Variants in NUP98 observed in about 807,000 individuals in gnomAD.
The protein encoded by NUP98 is nuclear pore complex protein Nup98-Nup96.
A neutral mutation model predicts 191.9 loss-of-function variants in NUP98; 26 were observed. The ratio of observed to expected loss-of-function variants is 0.14; its 90% CI spans 0.10 to 0.19. NUP98 has a LOEUF of 0.19. NUP98 is among the 10% of genes least tolerant of loss of function. The pLI is 1.00. For synonymous variants in NUP98, 808 were observed against 778.4 expected (o/e 1.04, Z -0.63); for missense variants, 1,941 against 2,178.8 (o/e 0.89, Z 2.17).
intron 7 of NUP98, among the ~76,000 whole-genome samples, chr11:3,769,201 G>T (rs1006379667): frequency 6.6e-6 from 1 of 152,154 alleles, no homozygotes; most frequent in Non-Finnish European, 1.5e-5. Flanking sequence ...AAGGCAGGAG[G>T]ATCACTTGAG....
At position 3,706,572 on chromosome 11, in the gene NUP98, ATGTCAC is replaced by A; in HGVS notation, c.2792_2797del (p.Ser931_Asp932del). 1 of 1,614,120 alleles carries A rather than the reference ATGTCAC, an allele frequency of 6.2e-7. No individual in the cohort carries two copies. Among genetic ancestry groups the A allele is most frequent in the Non-Finnish European group, 8.5e-7 (1 of 1,180,022 alleles). ...AACTGGCTCCTGGGTGATATCTACC[ATGTCAC>A]TGTCCAGTTCCACAACCCTCCCTAA... On this transcript the variant is annotated inframe_deletion, in exon 21 of 33. Transcript: ENST00000324932.
chr11:3,771,770 C>T lies in NUP98; in HGVS notation c.762G>A (p.Gln254=). The T allele has an allele frequency of 6.2e-7, 1 of 1,614,116 alleles. No homozygotes were observed. The highest frequency in any genetic ancestry group is 1.1e-5 in the South Asian group (1 of 91,078). Residue 254 remains glutamine (Q), a synonymous_variant, in exon 7 of 33, where the codon CAG becomes CAA. Coordinates refer to ENST00000324932, the MANE Select transcript of NUP98 (RefSeq NM_016320.5). ...STTNSGFAYG[Q]NKTAFGTSTT... ...TACTAGTTCCAAAGGCAGTTTTGTT[C>T]TGACCATATGCAAAGCCTGAATTAG... is the stretch of plus-strand genomic sequence containing the variant.
At chr11:3,696,223 TGG>T (rs1203608232) in intron 25 of NUP98, among the ~76,000 whole-genome samples, 1 of 151,646 alleles carries the variant, frequency 6.6e-6, no homozygotes, top group Non-Finnish European at 1.5e-5. Flanking sequence ...AGGAAAACAC[TGG>T]GCACGGTGGC....
chr11:3,737,720 T>C (rs1466538391), intron 12 of NUP98, among the ~76,000 whole-genome samples: 3 of 152,166 alleles, frequency 2.0e-5, no homozygotes, highest in Non-Finnish European at 4.4e-5. Flanking sequence ...ATGTATTCAA[T>C]AAATACTAAA....
At chr11:3,713,525 C>T (rs2079081985) in intron 19 of NUP98, among the ~76,000 whole-genome samples, 1 of 152,096 alleles carries the variant, frequency 6.6e-6, no homozygotes, top group African/African-American at 2.4e-5. Context: ...TGGAGACCAG[C>T]CTGGTCAACA....
chr11:3,697,031 C>T (rs1391614236), intron 25 of NUP98: 1 of 152,016 alleles, frequency 6.6e-6, no homozygotes, highest in Non-Finnish European at 1.5e-5. Flanking sequence ...GTGAGCATAA[C>T]CTTTTTTTAA....
At chr11:3,705,069 C>T (rs1423563666) in intron 22 of NUP98, 131 bp downstream of exon 22, 5 of 823,290 alleles carry the variant, frequency 6.1e-6, no homozygotes, top group Non-Finnish European at 5.8e-6. Context: ...TCTTAGCACC[C>T]TTATGTCACA....
chr11:3,790,058 C>T (rs2082282860), intron 1 of NUP98, among the ~76,000 whole-genome samples: 1 of 152,168 alleles, frequency 6.6e-6, no homozygotes, highest in Non-Finnish European at 1.5e-5. Context: ...GCTAGCATTA[C>T]AGGCGTGAGC....
chr11:3,760,550 C>T lies in NUP98; in HGVS notation c.1163G>A (p.Gly388Asp), dbSNP rs2081130041. ...GGTTGGTTTGTTACCAAAGAGCCCG[C>T]CACTGGTTGTACCAAATGAAGGTGC... is the stretch of plus-strand genomic sequence containing the variant. ...TSAPSFGTTS[G>D]GLFGFGTNTS... The change falls in exon 10 of 33, where the codon GGC becomes GAC. Residue 388 changes from glycine (G) to aspartate (D), a missense_variant. By Grantham distance (94) the Gly-to-Asp change is moderately conservative. Transcript: ENST00000324932. 6.2e-7 allele frequency: 1 copy of T among 1,613,880 alleles called. No homozygotes were observed. Among genetic ancestry groups the T allele is most frequent in the Non-Finnish European group, 8.5e-7 (1 of 1,179,916 alleles).
At chr11:3,681,218 T>C in intron 30 of NUP98, among the ~76,000 whole-genome samples, 1 of 152,132 alleles carries the variant, frequency 6.6e-6, no homozygotes, top group East Asian at 1.9e-4. Flanking sequence ...TTTTTGTATT[T>C]TTTGTAGAGA....
Position 3,712,567 on chromosome 11 carries a change from A to T in NUP98, c.2739T>A (p.Pro913=). Reference sequence around the variant, plus strand: ...TTCACTGTCCTTTTTTCTCTACCTGAGGTGGAGGTGCAGGTTTGCCATTAA... The same window carrying T: ...TTCACTGTCCTTTTTTCTCTACCTGTGGTGGAGGTGCAGGTTTGCCATTAA... ...MALNGKPAPP[P]QSQSPEVEQL... Residue 913 remains proline, a synonymous_variant, in exon 20 of 33, where the codon CCT becomes CCA. Transcript: ENST00000324932. 2 of 1,612,940 alleles carry T rather than the reference A, an allele frequency of 1.2e-6. No homozygotes were observed. The highest frequency in any genetic ancestry group is 1.7e-5 in the Admixed American group (1 of 59,552).
chr11:3,744,751 G>C, intron 11 of NUP98, 102 bp from the exon 12 acceptor site: 1 of 1,321,800 alleles, frequency 7.6e-7, no homozygotes, highest in Middle Eastern at 2.4e-4. Flanking sequence ...AAACTTCATA[G>C]TGACCACTCA....
intron 10 of NUP98, among the ~76,000 whole-genome samples, chr11:3,756,163 T>C (rs1166259082): frequency 6.6e-6 from 1 of 152,166 alleles, no homozygotes; most frequent in Non-Finnish European, 1.5e-5. Context: ...TTTTCCTTTT[T>C]GAATAAAAAT....
intron 1 of NUP98, among the ~76,000 whole-genome samples, chr11:3,792,496 A>G (rs2082389653): frequency 6.6e-6 from 1 of 152,084 alleles, no homozygotes; most frequent in African/African-American, 2.4e-5. Flanking sequence ...CTGTAGTCCC[A>G]GCTACTCAGG....
At chr11:3,752,153 A>G (rs964920563) in intron 11 of NUP98, among the ~76,000 whole-genome samples, 7 of 150,760 alleles carry the variant, frequency 4.6e-5, no homozygotes, top group African/African-American at 1.2e-4. Flanking sequence ...CAAAAAAAAA[A>G]AAGGGAAATT....
At position 3,693,272 on chromosome 11, in the gene NUP98, G is replaced by A. The variant is rs898745660; in HGVS notation, c.4271C>T (p.Ser1424Phe). Reference protein sequence around the residue: ...HLWYLLPPTASISRALSMYEE... With the variant: ...HLWYLLPPTAFISRALSMYEE... ...ATACATGCTGAGCGCCCTAGAAATG[G>A]AGGCTGTTGGTGGAAGCAAATACCA... Residue 1424 changes from serine to phenylalanine, a missense_variant, in exon 27 of 33, where the codon TCC becomes TTC. Ser to Phe is a radical substitution (Grantham distance 155, BLOSUM62 -2). Coordinates refer to ENST00000324932, the MANE Select transcript of NUP98 (RefSeq NM_016320.5). The A allele has an allele frequency of 1.2e-6, 2 of 1,614,168 alleles. No individual in the cohort carries two copies. The highest frequency in any genetic ancestry group is 1.7e-5 in the Admixed American group (1 of 60,020).
chr11:3,718,728 C>T (rs945806178), intron 18 of NUP98, among the ~76,000 whole-genome samples: 2 of 151,538 alleles, frequency 1.3e-5, no homozygotes, highest in Non-Finnish European at 3.0e-5. Context: ...AAGCTAGGAT[C>T]TCACACTAAA....
intron 20 of NUP98, among the ~76,000 whole-genome samples, chr11:3,709,920 A>G (rs1314868520): frequency 1.3e-5 from 2 of 148,884 alleles, no homozygotes; most frequent in African/African-American, 4.9e-5. Context: ...ACATGTATAC[A>G]TATGTAACTA....
At position 3,699,156 on chromosome 11, in the gene NUP98, C is replaced by A; in HGVS notation, c.3935G>T (p.Ser1312Ile). 6.2e-7 allele frequency: 1 copy of A among 1,613,978 alleles called. No homozygotes were observed. Among genetic ancestry groups the A allele is most frequent in the Non-Finnish European group, 8.5e-7 (1 of 1,180,030 alleles). ...GTAGCTGAATACAGCCTCCACAGGG[C>A]TGTTTTTTTGGGTTAAGGAGACTTC... Reference protein sequence around the residue: ...EEEVSLTQKNSPVEAVFSYLT... With the variant: ...EEEVSLTQKNIPVEAVFSYLT... The change falls in exon 25 of 33, where the codon AGC becomes ATC. Residue 1312 changes from serine to isoleucine, a missense_variant. Around this residue, in one of 6 missense-constraint regions of NUP98, gnomAD observed 1,030 missense variants for 1,115.8 expected, o/e 0.92. Coordinates refer to ENST00000324932, the MANE Select transcript of NUP98 (RefSeq NM_016320.5).
Sources: allele counts gnomAD v4.1 joint callset (sites outside exome capture counted in the v4.1 genomes callset), GRCh38; gene constraint gnomAD v4.1.1; regional missense constraint gnomAD v4.1.1; transcripts MANE v1.5; gene names NCBI Gene and HGNC (gene_info 2026-07-23, HGNC 2026-07-21).